The following HEATR1 variants were observed in gnomAD, a reference collection of about 807,000 sequenced individuals.
HEATR1 encodes the protein HEAT repeat containing 1.
HEATR1 carries 77 observed loss-of-function variants against 248.2 expected under a neutral mutation model. The ratio of observed to expected loss-of-function variants is 0.31; its 90% CI spans 0.26 to 0.37. HEATR1 has a LOEUF of 0.37. HEATR1 is among the 10% of genes least tolerant of loss of function. The pLI is 1.00. For synonymous variants in HEATR1, 897 were observed against 923.1 expected (o/e 0.97, Z 0.51); for missense variants, 2,420 against 2,504.9 (o/e 0.97, Z 0.72).
chr1:236,593,931 T>A, intron 9 of HEATR1, 81 bp downstream of exon 9: 1 of 915,524 alleles, frequency 1.1e-6, no homozygotes, highest in Non-Finnish European at 1.7e-6. Flanking sequence ...AAAGGAATGC[T>A]GGGAAATTTC....
At chr1:236,600,633 C>T (rs780651654) in intron 3 of HEATR1, among the ~76,000 whole-genome samples, 1 of 151,850 alleles carries the variant, frequency 6.6e-6, no homozygotes, top group Non-Finnish European at 1.5e-5. Flanking sequence ...CAAGTTCAAG[C>T]GATTCTCATG....
chr1:236,587,340 G>A, intron 14 of HEATR1, 62 bp downstream of exon 14: 3 of 752,886 alleles, frequency 4.0e-6, no homozygotes, highest in East Asian at 3.1e-5. Context: ...AGAAGAAATA[G>A]AAAGAACTTG....
intron 31 of HEATR1, among the ~76,000 whole-genome samples, chr1:236,565,635 C>G (rs1273966390): frequency 6.6e-6 from 1 of 152,136 alleles, no homozygotes; most frequent in Non-Finnish European, 1.5e-5. Context: ...TAATGAGGTC[C>G]TGATCATTTA....
At chr1:236,566,572 T>C in intron 30 of HEATR1, 74 bp downstream of exon 30, 1 of 1,120,996 alleles carries the variant, frequency 8.9e-7, no homozygotes, top group Non-Finnish European at 1.3e-6. Context: ...CAGCCCCATG[T>C]TTAAACTGGA....
At position 236,555,900 on chromosome 1, in the gene HEATR1, T is replaced by G; in HGVS notation, c.5554A>C (p.Ile1852Leu). The change falls in exon 39 of 45, where the codon ATT becomes CTT. Residue 1852 changes from isoleucine (I) to leucine (L), a missense_variant. Ile to Leu is a conservative substitution (Grantham distance 5). Transcript: ENST00000366582. ...AGCTCTTCCTTCTTCATCACCCCAA[T>G]ATGCTCTTGCAAGATGCTCATAAAC... is the stretch of plus-strand genomic sequence containing the variant. Reference protein sequence around the residue: ...GPFMSILQEHIGVMKKEELTS... With the variant: ...GPFMSILQEHLGVMKKEELTS... The G allele has an allele frequency of 6.2e-7, 1 of 1,613,698 alleles. No homozygotes were observed. Among genetic ancestry groups the G allele is most frequent in the Non-Finnish European group, 8.5e-7 (1 of 1,179,534 alleles).
intron 29 of HEATR1, among the ~76,000 whole-genome samples, chr1:236,568,196 C>A (rs1159178788): frequency 1.3e-5 from 2 of 152,218 alleles, no homozygotes; most frequent in Non-Finnish European, 2.9e-5. Context: ...TTCTGGTCAT[C>A]CTGGCCCATA....
rs182788493 is a variant in HEATR1 at position 236,589,990 on chromosome 1, T to C, written c.1530+857A>G. Among the ~76,000 whole-genome samples the C allele has an allele frequency of 2.0e-5, 3 of 152,304 alleles. No individual in the cohort carries two copies. In the East Asian group the frequency reaches 5.8e-4, roughly 29 times the overall value. On this transcript the variant is annotated intron_variant, in intron 12 of 44. Coordinates refer to ENST00000366582, the MANE Select transcript of HEATR1 (RefSeq NM_018072.6). ...ACAGGGACTGCTTGAATGACTAAAGTTTGGAAACTACTATTCTATGTGCAT... is the reference window on the plus strand; with the variant it reads ...ACAGGGACTGCTTGAATGACTAAAGCTTGGAAACTACTATTCTATGTGCAT...
chr1:236,585,278 A>G (rs188091980), intron 16 of HEATR1, 62 bp from the exon 17 acceptor site: 2 of 1,397,360 alleles, frequency 1.4e-6, no homozygotes, highest in Non-Finnish European at 9.8e-7. Context: ...AATTTTTTCA[A>G]CTCAGGTCTA....
At position 236,549,660 on chromosome 1, in the gene HEATR1, T is replaced by C. The variant is rs564373170; in HGVS notation, c.*1242A>G. The C allele has an allele frequency of 6.6e-6, 1 of 152,192 alleles. No homozygotes were observed. Among genetic ancestry groups the C allele is most frequent in the African/African-American group, 2.4e-5 (1 of 41,500 alleles). 9.4% of individuals were successfully genotyped at this position (152,192 alleles called of 1,614,324 possible). A position where few individuals can be genotyped will look rare whatever the true frequency, so the allele number is the denominator to read the frequency against. ...GTGGAGGGTGCCACAGGGAAAGCTG[T>C]AGAAGGCAAGAAGACTCGAGAATCC... On this transcript the variant is annotated 3_prime_UTR_variant, in exon 45 of 45. Transcript: ENST00000366582.
intron 10 of HEATR1, 64 bp downstream of exon 10, chr1:236,592,459 T>A: frequency 1.4e-6 from 1 of 732,494 alleles, no homozygotes; most frequent in Non-Finnish European, 2.4e-6. Context: ...ATGTGACTTG[T>A]GAATCATATC....
intron 20 of HEATR1, among the ~76,000 whole-genome samples, chr1:236,579,808 G>A (rs900752974): frequency 6.6e-6 from 1 of 152,026 alleles, no homozygotes; most frequent in Admixed American, 6.5e-5. Flanking sequence ...GGTTACAAAT[G>A]TAATTATGTG....
In HEATR1 at chr1:236,571,627, A is replaced by G; in HGVS notation, c.3767T>C (p.Leu1256Pro). 1 of 1,614,148 alleles carries G rather than the reference A, an allele frequency of 6.2e-7. No individual in the cohort carries two copies. Residue 1256 changes from leucine (L) to proline (P), a missense_variant, in exon 27 of 45, where the codon CTT becomes CCT. Transcript: ENST00000366582. The part of the protein sequence containing the change: ...GNMEYTKQLI[L>P]SCLLNICQKL... ...TTGGCAGATGTTGAGCAGACAACTA[A>G]GAATTAATTGTTTGGTGTATTCCAT...
chr1:236,595,637 A>C lies in HEATR1; in HGVS notation c.993T>G (p.Ile331Met), dbSNP rs1267375884. The change falls in exon 8 of 45, where the codon ATT becomes ATG. Residue 331 changes from isoleucine (I) to methionine (M), a missense_variant. Ile to Met is a conservative substitution (Grantham distance 10, BLOSUM62 1). Coordinates refer to ENST00000366582, the MANE Select transcript of HEATR1 (RefSeq NM_018072.6). ...FPHLCNVPDLITILHGISETY... is the reference protein window; with the variant it reads ...FPHLCNVPDLMTILHGISETY... Reference sequence around the variant, plus strand: ...TTTCAGAAATCCCATGAAGTATTGTAATAAGATCAGGAACATTACATAAGT... The same window carrying C: ...TTTCAGAAATCCCATGAAGTATTGTCATAAGATCAGGAACATTACATAAGT... The C allele has an allele frequency of 6.2e-7, 1 of 1,611,648 alleles. No homozygotes were observed. The highest frequency in any genetic ancestry group is 1.7e-5 in the Admixed American group (1 of 60,006).
chr1:236,597,873 C>T lies in HEATR1; in HGVS notation c.603+5G>A. The T allele has an allele frequency of 1.3e-6, 2 of 1,595,586 alleles. No homozygotes were observed. Among genetic ancestry groups the T allele is most frequent in the South Asian group, 2.2e-5 (2 of 90,396 alleles). Reference sequence around the variant, plus strand: ...AATTATATACTCATGAAACAGACTGCTCACCTTCACAGATTTTGTCACCAA... The same window carrying T: ...AATTATATACTCATGAAACAGACTGTTCACCTTCACAGATTTTGTCACCAA... On this transcript the variant is annotated splice_donor_5th_base_variant and intron_variant, in intron 5 of 44. Transcript: ENST00000366582.
rs1663455673 is a variant in HEATR1, at chr1:236,572,538, C to T, written c.3580G>A (p.Glu1194Lys). The T allele has an allele frequency of 6.2e-7, 1 of 1,613,834 alleles. No homozygotes were observed. Among genetic ancestry groups the T allele is most frequent in the African/African-American group, 1.3e-5 (1 of 74,994 alleles). The change falls in exon 26 of 45, where the codon GAA becomes AAA. Residue 1194 changes from glutamate (E) to lysine (K), a missense_variant. Physicochemically the swap from Glu to Lys is moderately conservative, Grantham distance 56 (BLOSUM62 1). Transcript: ENST00000366582. ...GAACCTCCAACTTCCTGAACAGATT[C>T]TAGATCTTGTGATTTTCTGGAAAAT... ...KMQQKKSQDL[E>K]SVQEVGGSYW...
intron 19 of HEATR1, among the ~76,000 whole-genome samples, 159 bp from the exon 20 acceptor site, chr1:236,581,573 A>C (rs1663741551): frequency 6.6e-6 from 1 of 152,210 alleles, no homozygotes; most frequent in Admixed American, 6.5e-5. Flanking sequence ...CCATGTTTTA[A>C]TGAACTGGGA....
chr1:236,566,922 C>G (rs1443585831), intron 29 of HEATR1, 46 bp from the exon 30 acceptor site: 1 of 1,300,192 alleles, frequency 7.7e-7, no homozygotes, highest in Non-Finnish European at 1.1e-6. Flanking sequence ...AAGTAATCTT[C>G]CACAAAACAA....
intron 3 of HEATR1, among the ~76,000 whole-genome samples, chr1:236,601,061 T>C (rs190845635): frequency 6.6e-6 from 1 of 152,322 alleles, no homozygotes; most frequent in East Asian, 1.9e-4. Context: ...AAAGTATTCC[T>C]TACATTAATG....
At position 236,554,593 on chromosome 1, in the gene HEATR1, G is replaced by A; in HGVS notation, c.6078+5C>T. 1 of 1,609,850 alleles carries A rather than the reference G, an allele frequency of 6.2e-7. No homozygotes were observed. Among genetic ancestry groups the A allele is most frequent in the Non-Finnish European group, 8.5e-7 (1 of 1,178,796 alleles). On this transcript the variant is annotated splice_donor_5th_base_variant and intron_variant, in intron 42 of 44. Transcript: ENST00000366582. ...CAGCAACGAAAGATGATTCTGTTTG[G>A]TTACCTGATCCACCAGAGGCATCAT...
Sources: gnomAD v4.1 joint callset for allele counts (sites outside exome capture counted in the v4.1 genomes callset) on GRCh38, gnomAD v4.1.1 for gene constraint, MANE v1.5 for transcripts, NCBI Gene and HGNC (gene_info 2026-07-23, HGNC 2026-07-21) for gene names.